CDH13: variants seen among roughly 807,000 people sequenced by gnomAD.
CDH13 encodes the protein cadherin 13, also known as cadherin-13.
A neutral mutation model predicts 63.8 loss-of-function variants in CDH13; 24 were observed. The ratio of observed to expected loss-of-function variants is 0.38; its 90% CI spans 0.27 to 0.53. The LOEUF is 0.53. Ranked by LOEUF, CDH13 falls within the 20% of genes least tolerant of loss-of-function variation. The pLI is 0.85. For missense variants in CDH13, 1,049 were observed against 903.1 expected, an observed-to-expected ratio of 1.16 and a Z score of -2.07; for synonymous variants, 503 against 355.3, an observed-to-expected ratio of 1.42 and a Z score of -4.67.
chr16:83,733,689 T>G (rs1237442840), intron 10 of CDH13, among the ~76,000 whole-genome samples: 2 of 152,052 alleles, frequency 1.3e-5, no homozygotes, highest in Non-Finnish European at 2.9e-5. Flanking sequence ...GGTGTGTCGG[T>G]TAATCACCCA....
chr16:83,643,424 G>T (rs1196245022), intron 8 of CDH13, among the ~76,000 whole-genome samples: 1 of 151,196 alleles, frequency 6.6e-6, no homozygotes, highest in Admixed American at 6.6e-5. Flanking sequence ...TCAGTATATT[G>T]CCATCTGTCT....
chr16:82,836,080 A>T (rs1881603869), intron 1 of CDH13, among the ~76,000 whole-genome samples: 1 of 152,170 alleles, frequency 6.6e-6, no homozygotes, highest in African/African-American at 2.4e-5. Flanking sequence ...CCTAAGTGTG[A>T]ATATGAACTT....
intron 10 of CDH13, among the ~76,000 whole-genome samples, chr16:83,708,268 A>G (rs545444813): frequency 6.6e-6 from 1 of 152,296 alleles, no homozygotes; most frequent in South Asian, 2.1e-4. Context: ...ACCTCACCGT[A>G]AGGGACAGTC....
In CDH13 at chr16:82,664,598, G is replaced by C. The variant is rs560570908; in HGVS notation, c.45+37461G>C. Reference sequence around the variant, plus strand: ...TTTACATTTGATGACTGGGAGAAAGGACCCAAGTTTTTCCTGTGTGTTTCC... The same window carrying C: ...TTTACATTTGATGACTGGGAGAAAGCACCCAAGTTTTTCCTGTGTGTTTCC... On this transcript the variant is annotated intron_variant, in intron 1 of 13. Coordinates refer to ENST00000567109, the MANE Select transcript of CDH13 (RefSeq NM_001257.5). Among the ~76,000 whole-genome samples the C allele has an allele frequency of 3.9e-5, 6 of 152,296 alleles. No individual in the cohort carries two copies. In the East Asian group the frequency reaches 1.2e-3, roughly 29 times the overall value.
At chr16:83,372,872 T>G (rs2091397825) in intron 6 of CDH13, among the ~76,000 whole-genome samples, 1 of 152,002 alleles carries the variant, frequency 6.6e-6, no homozygotes. Context: ...TAAACTGTGC[T>G]AAGTTGACAA....
chr16:83,628,339 C>T (rs1484446499), intron 8 of CDH13, among the ~76,000 whole-genome samples: 1 of 152,182 alleles, frequency 6.6e-6, no homozygotes, highest in Non-Finnish European at 1.5e-5. Context: ...AACTCCTGAG[C>T]TCAAGTGGTC....
At chr16:83,177,369 G>A (rs1237697157) in intron 4 of CDH13, among the ~76,000 whole-genome samples, 2 of 152,118 alleles carry the variant, frequency 1.3e-5, no homozygotes, top group Non-Finnish European at 2.9e-5. Flanking sequence ...CCATCCCCAG[G>A]TCTGCTACAG....
At chr16:83,313,643 TAAAAAAA>T (rs59109363) in intron 5 of CDH13, among the ~76,000 whole-genome samples, 7 of 89,928 alleles carry the variant, frequency 7.8e-5, no homozygotes, top group Non-Finnish European at 1.3e-4. Flanking sequence ...CTTACCATTG[TAAAAAAA>T]AAAAAAAAAA....
intron 1 of CDH13, among the ~76,000 whole-genome samples, chr16:82,679,372 G>A (rs1446571587): frequency 6.6e-6 from 1 of 152,208 alleles, no homozygotes; most frequent in Non-Finnish European, 1.5e-5. Flanking sequence ...GTAGCAGGGA[G>A]CAAGAACTGT....
chr16:83,215,736 A>G (rs1404802295), intron 4 of CDH13, among the ~76,000 whole-genome samples: 1 of 152,060 alleles, frequency 6.6e-6, no homozygotes, highest in East Asian at 1.9e-4. Flanking sequence ...GGCGCTGTTG[A>G]GTATGTGTCA....
intron 2 of CDH13, among the ~76,000 whole-genome samples, chr16:82,885,246 C>G (rs1266497919): frequency 1.3e-5 from 2 of 151,872 alleles, no homozygotes; most frequent in Non-Finnish European, 2.9e-5. Context: ...AGTCTGGTTA[C>G]AAAAACAAAA....
intron 2 of CDH13, among the ~76,000 whole-genome samples, chr16:83,006,955 C>G (rs1337925154): frequency 7.0e-6 from 1 of 142,188 alleles, no homozygotes; most frequent in Non-Finnish European, 1.5e-5. Flanking sequence ...CAGAGTTTCA[C>G]TCTTATTGCC....
At chr16:83,406,103 C>T (rs1044843605) in intron 6 of CDH13, among the ~76,000 whole-genome samples, 1 of 152,162 alleles carries the variant, frequency 6.6e-6, no homozygotes, top group Non-Finnish European at 1.5e-5. Flanking sequence ...CTAATGTCCT[C>T]AGAGGTGACC....
chr16:83,449,196 A>T (rs1290502704), intron 6 of CDH13, among the ~76,000 whole-genome samples: 2 of 152,194 alleles, frequency 1.3e-5, no homozygotes, highest in African/African-American at 4.8e-5. Flanking sequence ...ATAATGATCT[A>T]TGATATGTCT....
At chr16:82,899,606 T>C (rs1597169770) in intron 2 of CDH13, among the ~76,000 whole-genome samples, 1 of 152,096 alleles carries the variant, frequency 6.6e-6, no homozygotes, top group Non-Finnish European at 1.5e-5. Flanking sequence ...TGCCTGTGTG[T>C]GTGTGTGTGT....
chr16:83,104,880 C>G (rs1426734252), intron 3 of CDH13, among the ~76,000 whole-genome samples: 1 of 152,142 alleles, frequency 6.6e-6, no homozygotes, highest in Non-Finnish European at 1.5e-5. Context: ...TGGACCAAAT[C>G]GATCGAGTTC....
At chr16:83,170,328 C>T (rs1209465255) in intron 4 of CDH13, among the ~76,000 whole-genome samples, 1 of 152,102 alleles carries the variant, frequency 6.6e-6, no homozygotes, top group Non-Finnish European at 1.5e-5. Flanking sequence ...GCTACTGTCA[C>T]ACTCTGGATG....
chr16:82,857,053 A>T (rs969747752), intron 1 of CDH13, among the ~76,000 whole-genome samples: 1 of 152,190 alleles, frequency 6.6e-6, no homozygotes, highest in Non-Finnish European at 1.5e-5. Context: ...TCTCGTACAA[A>T]GAAGAAAAAA....
chr16:83,794,042 G>A (rs895657427), intron 13 of CDH13, among the ~76,000 whole-genome samples: 2 of 152,180 alleles, frequency 1.3e-5, no homozygotes, highest in Non-Finnish European at 2.9e-5. Context: ...AAGGGGCCAT[G>A]AGCCAAGGGA....
Sources: allele counts gnomAD v4.1 joint callset (sites outside exome capture counted in the v4.1 genomes callset), GRCh38; gene constraint gnomAD v4.1.1; transcripts MANE v1.5; gene names NCBI Gene and HGNC (gene_info 2026-07-23, HGNC 2026-07-21).